TRIM71: variants seen among roughly 807,000 people sequenced by gnomAD.
TRIM71 encodes the protein E3 ubiquitin-protein ligase TRIM71.
In TRIM71, 9 loss-of-function variants were observed where a neutral mutation model predicts 61.2. The observed-to-expected ratio is 0.15, with a 90% CI of 0.09 to 0.26. The LOEUF (loss-of-function observed/expected upper bound fraction) is 0.26. Among genes scored for constraint, TRIM71 ranks in the 10% least tolerant of loss-of-function variants. The pLI is 1.00. For missense variants in TRIM71, 998 were observed against 1,238.7 expected (o/e 0.81, Z 2.92); for synonymous variants, 645 against 553.2 (o/e 1.17, Z -2.33).
chr3:32,838,766 T>C (rs1312539138), intron 1 of TRIM71, among the ~76,000 whole-genome samples: 1 of 152,134 alleles, frequency 6.6e-6, no homozygotes, highest in Non-Finnish European at 1.5e-5. Context: ...TCCTGAAGAC[T>C]ATCCCTCTTA....
intron 1 of TRIM71, among the ~76,000 whole-genome samples, chr3:32,861,096 T>A (rs150411879): frequency 0.017 from 2,555 of 151,474 alleles, 61 homozygotes; most frequent in East Asian, 0.12. Flanking sequence ...AATCGCTTGA[T>A]CCCGGGAGGC....
At chr3:32,866,045 C>T (rs1336827691) in intron 1 of TRIM71, among the ~76,000 whole-genome samples, 1 of 151,276 alleles carries the variant, frequency 6.6e-6, no homozygotes, top group Admixed American at 6.6e-5. Context: ...AGGCTGGTCT[C>T]AAACTCCTGA....
chr3:32,848,326 C>G (rs1018415978), intron 1 of TRIM71, among the ~76,000 whole-genome samples: 3 of 152,130 alleles, frequency 2.0e-5, no homozygotes, highest in Non-Finnish European at 4.4e-5. Flanking sequence ...CCTCTTAGTT[C>G]TACAGGTCAG....
intron 3 of TRIM71, among the ~76,000 whole-genome samples, chr3:32,889,878 G>A (rs1454547999): frequency 2.0e-5 from 3 of 148,508 alleles, no homozygotes; most frequent in Non-Finnish European, 4.5e-5. Flanking sequence ...GGCATGAGGC[G>A]TGCGTGTATG....
chr3:32,820,407 T>A (rs540517736), intron 1 of TRIM71, among the ~76,000 whole-genome samples: 1 of 152,246 alleles, frequency 6.6e-6, no homozygotes, highest in Admixed American at 6.5e-5. Context: ...GGGGCAGTTA[T>A]CTTTTTTTTC....
At position 32,891,847 on chromosome 3, in the gene TRIM71, T is replaced by TGC; in HGVS notation, c.*38_*39dup. The TGC allele has an allele frequency of 1.9e-6, 3 of 1,585,904 alleles. No homozygotes were observed. Among genetic ancestry groups the TGC allele is most frequent in the East Asian group, 2.3e-5 (1 of 42,952 alleles). ...TAGGTTTCTGTGTTTGGGGTGTGTGTGCGTGTCTCTCTCTCTCTCTCTCTC... is the reference window on the plus strand; with the variant it reads ...TAGGTTTCTGTGTTTGGGGTGTGTGTGCGCGTGTCTCTCTCTCTCTCTCTCTC... On this transcript the variant is annotated 3_prime_UTR_variant, in exon 4 of 4. Transcript: ENST00000383763. This position sits in a 1 kb window ranked among gnomAD's most constrained non-coding sequence, Gnocchi z 8.2.
At chr3:32,820,918 C>A (rs1206559151) in intron 1 of TRIM71, among the ~76,000 whole-genome samples, 1 of 152,188 alleles carries the variant, frequency 6.6e-6, no homozygotes, top group African/African-American at 2.4e-5. Flanking sequence ...ATTCTGCTTG[C>A]TCCCTTTAGC....
In TRIM71 at chr3:32,892,855, A is replaced by T. The variant is rs1377507348; in HGVS notation, c.*1044A>T. The stretch of plus-strand genomic sequence containing the variant: ...GACGTGGACATGAATGTGGGTGGAC[A>T]TGCGTGTGCTGAGGGAGTCAGGGAG... On this transcript the variant is annotated 3_prime_UTR_variant, in exon 4 of 4. Coordinates refer to ENST00000383763, the MANE Select transcript of TRIM71 (RefSeq NM_001039111.3). The T allele has an allele frequency of 6.6e-6, 1 of 152,200 alleles. No individual in the cohort carries two copies. Among genetic ancestry groups the T allele is most frequent in the Non-Finnish European group, 1.5e-5 (1 of 68,036 alleles). The allele number at this position is 152,200 out of a possible 1,614,324, so 9.4% of individuals were successfully genotyped here. A position where few individuals can be genotyped will look rare whatever the true frequency, so the allele number is the denominator to read the frequency against.
At chr3:32,874,036 T>G (rs774856545) in intron 2 of TRIM71, 51 bp downstream of exon 2, 2 of 1,536,698 alleles carry the variant, frequency 1.3e-6, no homozygotes, top group South Asian at 2.5e-5. Flanking sequence ...AGCCCCCCTT[T>G]CTGTCGGGTG....
chr3:32,853,068 T>C (rs1696556564), intron 1 of TRIM71, among the ~76,000 whole-genome samples: 1 of 152,140 alleles, frequency 6.6e-6, no homozygotes, highest in South Asian at 2.1e-4. Flanking sequence ...TACTGTCTTC[T>C]GTATTTTTTC....
chr3:32,849,848 G>A (rs1195953492), intron 1 of TRIM71, among the ~76,000 whole-genome samples: 1 of 152,122 alleles, frequency 6.6e-6, no homozygotes, highest in Non-Finnish European at 1.5e-5. Flanking sequence ...AGAACTGCAC[G>A]CTCAAAATTT....
intron 1 of TRIM71, among the ~76,000 whole-genome samples, chr3:32,833,748 A>G (rs1002094309): frequency 2.0e-5 from 3 of 151,856 alleles, no homozygotes; most frequent in African/African-American, 7.3e-5. Flanking sequence ...CAAATGAAAT[A>G]TTTTCTGCAA....
intron 2 of TRIM71, among the ~76,000 whole-genome samples, chr3:32,874,363 C>T (rs1382068489): frequency 9.2e-6 from 1 of 108,384 alleles, no homozygotes; most frequent in Admixed American, 8.7e-5. Context: ...ACTACTACTA[C>T]TACTACAACA....
chr3:32,844,516 C>T (rs2125679989), intron 1 of TRIM71, among the ~76,000 whole-genome samples: 1 of 152,270 alleles, frequency 6.6e-6, no homozygotes, highest in South Asian at 2.1e-4. Context: ...TCTGCCTCAG[C>T]CTCTGGCGTA....
chr3:32,826,212 A>G (rs555841709), intron 1 of TRIM71, among the ~76,000 whole-genome samples: 4 of 152,304 alleles, frequency 2.6e-5, no homozygotes, highest in South Asian at 4.1e-4. Flanking sequence ...CAATCCCAGC[A>G]CTTTGGGAGG....
At chr3:32,886,779 A>G (rs2125692406) in intron 3 of TRIM71, among the ~76,000 whole-genome samples, 1 of 152,294 alleles carries the variant, frequency 6.6e-6, no homozygotes, top group East Asian at 1.9e-4. Context: ...CAATATGATG[A>G]TGGTGGGGAT....
rs1193493625 is a variant in TRIM71 at position 32,885,936 on chromosome 3, G to T, written c.1023G>T (p.Leu341=). ...GTTGTTTCTTTTTGGTTTTCCAGCTGAGCATCGAGCAGGCCCAGACGGTGG... is the reference window on the plus strand; with the variant it reads ...GTTGTTTCTTTTTGGTTTTCCAGCTTAGCATCGAGCAGGCCCAGACGGTGG... ...DAQQGRQAIQ[L]SIEQAQTVAE... is the part of the protein sequence containing the mutation. The change falls in exon 3 of 4, where the codon CTG becomes CTT. Residue 341 remains leucine, a splice_region_variant and synonymous_variant. Coordinates refer to ENST00000383763, the MANE Select transcript of TRIM71 (RefSeq NM_001039111.3). 1.3e-5 allele frequency: 21 copies of T among 1,610,520 alleles called. No homozygotes were observed. The highest frequency in any genetic ancestry group is 1.7e-5 in the Non-Finnish European group (20 of 1,179,086).
intron 1 of TRIM71, among the ~76,000 whole-genome samples, chr3:32,852,723 T>TG (rs1253737082): frequency 6.7e-6 from 1 of 150,140 alleles, no homozygotes; most frequent in East Asian, 2.0e-4. Flanking sequence ...GAACTCTAAC[T>TG]GGGTAGAGGA....
chr3:32,876,837 C>A (rs959269580), intron 2 of TRIM71, among the ~76,000 whole-genome samples: 1 of 152,012 alleles, frequency 6.6e-6, no homozygotes, highest in African/African-American at 2.4e-5. Flanking sequence ...GGTGAAATCT[C>A]AGAGAAATGG....
Sources: allele counts gnomAD v4.1 joint callset (sites outside exome capture counted in the v4.1 genomes callset), GRCh38; gene constraint gnomAD v4.1.1; non-coding constraint Gnocchi (gnomAD v3.1); transcripts MANE v1.5; gene names NCBI Gene and HGNC (gene_info 2026-07-23, HGNC 2026-07-21).